Variants in MRTFB observed in about 807,000 individuals in gnomAD.
MRTFB encodes myocardin related transcription factor B.
MRTFB carries 29 observed loss-of-function variants against 104.2 expected under a neutral mutation model. The ratio of observed to expected loss-of-function variants is 0.28; its 90% CI spans 0.21 to 0.38. The LOEUF is 0.38. MRTFB is among the 10% of genes least tolerant of loss of function. The pLI, the probability that MRTFB is intolerant of heterozygous loss-of-function variation, is 1.00. For synonymous variants in MRTFB, 535 were observed against 519.5 expected, an observed-to-expected ratio of 1.03 and a Z score of -0.41; for missense variants, 1,270 against 1,341.6, an observed-to-expected ratio of 0.95 and a Z score of 0.83.
chr16:13,998,551 C>T, the MRTFB span, among the ~76,000 whole-genome samples: 3 of 151,922 alleles, frequency 2.0e-5, no homozygotes, highest in Non-Finnish European at 4.4e-5. Context: ...GAGGCCGAGG[C>T]AGAAGGATCA....
rs1418770183 is a variant in MRTFB, at chr16:14,261,512, T to TA, written c.*69dup. On this transcript the variant is annotated 3_prime_UTR_variant, in exon 17 of 17. Transcript: ENST00000571589. ...ATGAAGATTCTAAAAGGTCAGTTTT[T>TA]AGAGATAGATCTATAGTTGCATTGT... 19 of 1,428,010 alleles carry TA rather than the reference T, an allele frequency of 1.3e-5. No homozygotes were observed. The highest frequency in any genetic ancestry group is 1.8e-5 in the Non-Finnish European group (19 of 1,053,122). 88.5% of individuals were successfully genotyped at this position (1,428,010 alleles called of 1,614,324 possible).
intron 6 of MRTFB, among the ~76,000 whole-genome samples, chr16:14,215,807 C>G (rs1451538073): frequency 2.0e-5 from 3 of 152,200 alleles, no homozygotes; most frequent in Non-Finnish European, 2.9e-5. Flanking sequence ...CAACCTTGTG[C>G]TAGGGCCTTC....
intron 15 of MRTFB, 21 bp downstream of exon 15, chr16:14,252,523 G>C: frequency 6.2e-7 from 1 of 1,613,630 alleles, no homozygotes; most frequent in Non-Finnish European, 8.5e-7. Flanking sequence ...GCACGGTCAT[G>C]GTGCATAAGG....
intron 8 of MRTFB, among the ~76,000 whole-genome samples, chr16:14,219,967 A>C (rs1390377038): frequency 2.6e-5 from 4 of 152,176 alleles, no homozygotes; most frequent in Non-Finnish European, 5.9e-5. Context: ...AGCACCTTGA[A>C]TGCAGACTGA....
At chr16:14,173,114 TTTTTTTG>T (rs1304031161) in intron 3 of MRTFB, among the ~76,000 whole-genome samples, 5 of 152,082 alleles carry the variant, frequency 3.3e-5, no homozygotes, top group Admixed American at 3.3e-4. Context: ...CCTCTTGGAG[TTTTTTTG>T]TTTTTTGTTT....
chr16:14,025,662 T>A, the MRTFB span, among the ~76,000 whole-genome samples: 1 of 151,852 alleles, frequency 6.6e-6, no homozygotes. Context: ...TTTCCTAGAA[T>A]AGGGACATGG....
intron 3 of MRTFB, among the ~76,000 whole-genome samples, chr16:14,163,146 C>A (rs999743192): frequency 6.6e-6 from 1 of 152,104 alleles, no homozygotes; most frequent in African/African-American, 2.4e-5. Flanking sequence ...TCTTTTTGTT[C>A]TTAGACTATA....
At chr16:14,056,652 T>C in the MRTFB span, among the ~76,000 whole-genome samples, 1 of 152,182 alleles carries the variant, frequency 6.6e-6, no homozygotes, top group African/African-American at 2.4e-5. Flanking sequence ...ATCTGAGTGG[T>C]AGGTGTGCTC....
chr16:14,007,990 T>C, the MRTFB span, among the ~76,000 whole-genome samples: 3 of 152,230 alleles, frequency 2.0e-5, no homozygotes, highest in East Asian at 3.8e-4. Context: ...TTATCAGATA[T>C]ACAATTTGTG....
intron 3 of MRTFB, among the ~76,000 whole-genome samples, chr16:14,171,472 C>T (rs2150971773): frequency 6.6e-6 from 1 of 150,848 alleles, no homozygotes; most frequent in African/African-American, 2.5e-5. Context: ...TCATTCCAGC[C>T]TGGGCGACAG....
chr16:14,005,617 G>A, the MRTFB span, among the ~76,000 whole-genome samples: 1 of 152,178 alleles, frequency 6.6e-6, no homozygotes, highest in African/African-American at 2.4e-5. Flanking sequence ...TGTCTGGATG[G>A]TTGCAAAGGC....
At chr16:14,114,581 G>A (rs2036439131) in intron 2 of MRTFB, among the ~76,000 whole-genome samples, 1 of 152,136 alleles carries the variant, frequency 6.6e-6, no homozygotes, top group Non-Finnish European at 1.5e-5. Context: ...TGCTGGCTCT[G>A]AGTTTTGCCT....
At chr16:14,044,344 G>C in the MRTFB span, among the ~76,000 whole-genome samples, 5 of 152,238 alleles carry the variant, frequency 3.3e-5, no homozygotes, top group African/African-American at 4.8e-5. Flanking sequence ...GTGGAAGGCA[G>C]GGAGAGCCTT....
At chr16:14,085,253 T>A (rs2034626490) in intron 2 of MRTFB, among the ~76,000 whole-genome samples, 1 of 151,592 alleles carries the variant, frequency 6.6e-6, no homozygotes, top group Admixed American at 6.6e-5. Flanking sequence ...GTCGGGAGTT[T>A]GAGACCAGCC....
Position 14,266,249 on chromosome 16 carries a change from A to G in MRTFB, c.*4805A>G, listed in dbSNP as rs1178991392. 1 of 152,240 alleles carries G rather than the reference A, an allele frequency of 6.6e-6. No homozygotes were observed. The highest frequency in any genetic ancestry group is 2.4e-5 in the African/African-American group (1 of 41,454). 9.4% of individuals were successfully genotyped at this position (152,240 alleles called of 1,614,324 possible). A position where few individuals can be genotyped will look rare whatever the true frequency, so the allele number is the denominator to read the frequency against. On this transcript the variant is annotated 3_prime_UTR_variant, in exon 17 of 17. Coordinates refer to ENST00000571589, the MANE Select transcript of MRTFB (RefSeq NM_001308142.2). ...TTATTGTTTTCATGTAAAATAGTATAGAGTTGTTTTGTTGGTTTAAGAGTA... is the reference window on the plus strand; with the variant it reads ...TTATTGTTTTCATGTAAAATAGTATGGAGTTGTTTTGTTGGTTTAAGAGTA...
rs1299426526 is a variant in MRTFB, at chr16:14,265,861, T to C, written c.*4417T>C. On this transcript the variant is annotated 3_prime_UTR_variant, in exon 17 of 17. Transcript: ENST00000571589. ...CAAATAAAATATGTTATCAGAGATA[T>C]CATCACATCTATAGTGTTTAACAGA... is the stretch of plus-strand genomic sequence containing the variant. 3 of 152,224 alleles carry C rather than the reference T, an allele frequency of 2.0e-5. No homozygotes were observed. The highest frequency in any genetic ancestry group is 7.2e-5 in the African/African-American group (3 of 41,468). 9.4% of individuals were successfully genotyped at this position (152,224 alleles called of 1,614,324 possible).
At chr16:14,213,982 C>T (rs753712625) in intron 6 of MRTFB, among the ~76,000 whole-genome samples, 75 of 152,316 alleles carry the variant, frequency 4.9e-4, no homozygotes, top group Admixed American at 1.3e-3. Flanking sequence ...AGATTTTCAA[C>T]TACTTGGACC....
At chr16:14,224,815 G>A (rs1330520436) in intron 8 of MRTFB, among the ~76,000 whole-genome samples, 1 of 152,200 alleles carries the variant, frequency 6.6e-6, no homozygotes, top group Non-Finnish European at 1.5e-5. Flanking sequence ...CACTAGAATT[G>A]CTCTACAAGA....
the MRTFB span, among the ~76,000 whole-genome samples, chr16:14,054,872 C>A: frequency 6.6e-6 from 1 of 152,144 alleles, no homozygotes; most frequent in Non-Finnish European, 1.5e-5. Context: ...TGCTAGAAAA[C>A]CCTATCAGCA....
Sources: gnomAD v4.1 joint callset for allele counts (sites outside exome capture counted in the v4.1 genomes callset) on GRCh38, gnomAD v4.1.1 for gene constraint, MANE v1.5 for transcripts, NCBI Gene and HGNC (gene_info 2026-07-23, HGNC 2026-07-21) for gene names.